The following GRID2 variants were observed in gnomAD, a reference collection of about 807,000 sequenced individuals.
GRID2 encodes glutamate ionotropic receptor delta type subunit 2, also known as glutamate receptor ionotropic, delta-2.
GRID2 carries 33 observed loss-of-function variants against 114.8 expected under a neutral mutation model. The observed-to-expected ratio is 0.29, with a 90% CI of 0.22 to 0.38. GRID2 has a LOEUF of 0.38. Among genes scored for constraint, GRID2 ranks in the 10% least tolerant of loss-of-function variants. The pLI is 1.00. For missense variants in GRID2, 1,184 were observed against 1,257.7 expected (o/e 0.94, Z 0.89); for synonymous variants, 505 against 449.9 (o/e 1.12, Z -1.55).
At chr4:92,583,672 C>T (rs1466218261) in intron 1 of GRID2, among the ~76,000 whole-genome samples, 4 of 146,468 alleles carry the variant, frequency 2.7e-5, no homozygotes, top group African/African-American at 2.5e-5. Flanking sequence ...TATATATATA[C>T]ACACACATAC....
chr4:93,308,172 C>T (rs898912528), intron 8 of GRID2, among the ~76,000 whole-genome samples: 1 of 152,162 alleles, frequency 6.6e-6, no homozygotes, highest in Non-Finnish European at 1.5e-5. Context: ...GGAGGGAATT[C>T]AGTTGCTCTG....
chr4:93,396,833 A>G (rs1489515356), intron 9 of GRID2, among the ~76,000 whole-genome samples: 1 of 152,062 alleles, frequency 6.6e-6, no homozygotes, highest in East Asian at 1.9e-4. Flanking sequence ...AATAGCCATA[A>G]ACCACGAAGG....
At chr4:92,961,039 A>C (rs1752762128) in intron 2 of GRID2, among the ~76,000 whole-genome samples, 1 of 151,838 alleles carries the variant, frequency 6.6e-6, no homozygotes, top group African/African-American at 2.4e-5. Flanking sequence ...ACCTTACAAT[A>C]ACTCCCTAAA....
intron 2 of GRID2, among the ~76,000 whole-genome samples, chr4:92,989,849 A>T (rs961238635): frequency 6.6e-6 from 1 of 152,172 alleles, no homozygotes; most frequent in African/African-American, 2.4e-5. Flanking sequence ...GAGCTAAGAC[A>T]AAAACATCCG....
At chr4:92,891,564 T>C (rs1318988734) in intron 2 of GRID2, among the ~76,000 whole-genome samples, 1 of 151,306 alleles carries the variant, frequency 6.6e-6, no homozygotes, top group Non-Finnish European at 1.5e-5. Context: ...CTGAGCAGCA[T>C]TTTTTTTTAA....
chr4:93,179,087 A>G (rs545231489), intron 4 of GRID2, among the ~76,000 whole-genome samples: 27 of 152,304 alleles, frequency 1.8e-4, no homozygotes, highest in African/African-American at 6.0e-4. Context: ...AGTCACTTTA[A>G]TGAGGGGTTG....
chr4:92,636,084 A>G (rs1254803722), intron 2 of GRID2, among the ~76,000 whole-genome samples: 1 of 152,080 alleles, frequency 6.6e-6, no homozygotes, highest in East Asian at 1.9e-4. Context: ...TGATTGTAGG[A>G]TGACTGCATA....
chr4:92,363,729 T>C (rs1486115663), intron 1 of GRID2, among the ~76,000 whole-genome samples: 1 of 151,994 alleles, frequency 6.6e-6, no homozygotes, highest in East Asian at 1.9e-4. Flanking sequence ...AGCTTAGTGT[T>C]CATTGGTTGT....
intron 13 of GRID2, among the ~76,000 whole-genome samples, chr4:93,587,913 G>A (rs564139954): frequency 1.5e-4 from 23 of 152,128 alleles, no homozygotes; most frequent in Non-Finnish European, 2.4e-4. Context: ...TATTAAAAGC[G>A]GTTATCAGAT....
intron 8 of GRID2, among the ~76,000 whole-genome samples, chr4:93,335,333 C>T (rs758401638): frequency 6.6e-6 from 1 of 152,106 alleles, no homozygotes; most frequent in African/African-American, 2.4e-5. Flanking sequence ...TTTCTGAGTT[C>T]TTTATACTTC....
intron 1 of GRID2, among the ~76,000 whole-genome samples, chr4:92,400,581 G>C (rs1730739188): frequency 6.6e-6 from 1 of 152,106 alleles, no homozygotes; most frequent in African/African-American, 2.4e-5. Context: ...GTGTGCAAGT[G>C]TTTGTGTGGC....
At chr4:93,232,665 G>T (rs1226318839) in intron 7 of GRID2, among the ~76,000 whole-genome samples, 1 of 151,220 alleles carries the variant, frequency 6.6e-6, no homozygotes, top group African/African-American at 2.4e-5. Flanking sequence ...TGGGAAAATA[G>T]AAAATATCAG....
At chr4:93,625,589 G>A (rs1204485088) in intron 13 of GRID2, among the ~76,000 whole-genome samples, 1 of 152,192 alleles carries the variant, frequency 6.6e-6, no homozygotes, top group South Asian at 2.1e-4. Flanking sequence ...AAACACAATA[G>A]AGAGTAATAA....
chr4:92,411,620 T>A (rs1731304828), intron 1 of GRID2, among the ~76,000 whole-genome samples: 1 of 138,118 alleles, frequency 7.2e-6, no homozygotes, highest in South Asian at 2.4e-4. Context: ...TATAGATATA[T>A]ATGCATGTGT....
intron 14 of GRID2, among the ~76,000 whole-genome samples, chr4:93,767,856 A>G (rs1254351036): frequency 6.6e-6 from 1 of 152,222 alleles, no homozygotes; most frequent in Non-Finnish European, 1.5e-5. Context: ...ATAGGTTCAC[A>G]TACCCCAAGT....
chr4:92,503,509 T>A (rs1418155875), intron 1 of GRID2, among the ~76,000 whole-genome samples: 1 of 152,092 alleles, frequency 6.6e-6, no homozygotes, highest in East Asian at 1.9e-4. Flanking sequence ...CAATATTATT[T>A]GAAGTATGTG....
intron 2 of GRID2, among the ~76,000 whole-genome samples, chr4:92,988,815 G>A (rs1272716402): frequency 6.6e-6 from 1 of 152,112 alleles, no homozygotes; most frequent in Non-Finnish European, 1.5e-5. Flanking sequence ...AGGAAAACAT[G>A]TGGTGTGTTA....
At chr4:92,989,027 C>A (rs750917152) in intron 2 of GRID2, among the ~76,000 whole-genome samples, 1 of 152,018 alleles carries the variant, frequency 6.6e-6, no homozygotes, top group African/African-American at 2.4e-5. Context: ...AGCCTGTAAT[C>A]CCAGGCATGG....
At chr4:92,984,117 A>G (rs1214211098) in intron 2 of GRID2, among the ~76,000 whole-genome samples, 1 of 152,208 alleles carries the variant, frequency 6.6e-6, no homozygotes, top group African/African-American at 2.4e-5. Context: ...TTCATAATGA[A>G]CCAAAATTGA....
Sources: allele counts gnomAD v4.1 joint callset (sites outside exome capture counted in the v4.1 genomes callset), GRCh38; gene constraint gnomAD v4.1.1; transcripts MANE v1.5; gene names NCBI Gene and HGNC (gene_info 2026-07-23, HGNC 2026-07-21).